Variants in OSBPL10 observed in about 807,000 individuals in gnomAD.
OSBPL10 encodes oxysterol binding protein like 10, also known as oxysterol-binding protein-related protein 10.
Under a neutral mutation model 81.7 loss-of-function variants are expected in OSBPL10, and 49 were observed. That is an observed-to-expected ratio of 0.60 (90% confidence interval 0.48 to 0.76). The LOEUF is 0.76. Ranked by LOEUF, OSBPL10 falls within the 30% of genes least tolerant of loss-of-function variation. The pLI, the probability that OSBPL10 is intolerant of heterozygous loss-of-function variation, is 0.00. For missense variants in OSBPL10, 923 were observed against 987.8 expected (o/e 0.93, Z 0.88); for synonymous variants, 419 against 383.6 (o/e 1.09, Z -1.08).
At chr3:31,863,312 A>G (rs1467848885) in intron 3 of OSBPL10, among the ~76,000 whole-genome samples, 1 of 152,028 alleles carries the variant, frequency 6.6e-6, no homozygotes, top group Non-Finnish European at 1.5e-5. Flanking sequence ...ACAGGGAAAC[A>G]GGGGATTTTT....
chr3:31,719,238 G>A (rs772089727), intron 6 of OSBPL10, among the ~76,000 whole-genome samples: 1 of 152,204 alleles, frequency 6.6e-6, no homozygotes, highest in East Asian at 1.9e-4. Flanking sequence ...AAATTTTACA[G>A]TGGGGACGTA....
chr3:31,965,867 C>CATATTATATAAAATAGATTAT (rs1698378882), intron 1 of OSBPL10, among the ~76,000 whole-genome samples: 1 of 59,124 alleles, frequency 1.7e-5, no homozygotes, highest in African/African-American at 8.8e-5. Flanking sequence ...ATATATAATA[C>CATATTATATAAAATAGATTAT]ATATTATATA....
intron 4 of OSBPL10, among the ~76,000 whole-genome samples, chr3:31,809,989 A>G (rs972154500): frequency 6.7e-6 from 1 of 149,402 alleles, no homozygotes; most frequent in East Asian, 2.0e-4. Flanking sequence ...CTCCTGCCTC[A>G]GTCTCCCGAG....
intron 5 of OSBPL10, among the ~76,000 whole-genome samples, chr3:31,742,984 T>C (rs1279628904): frequency 6.6e-6 from 1 of 150,530 alleles, no homozygotes; most frequent in South Asian, 2.1e-4. Flanking sequence ...CCACCAGTAA[T>C]GGTAAAAGAG....
intron 3 of OSBPL10, among the ~76,000 whole-genome samples, chr3:31,872,281 A>G (rs1275958027): frequency 6.6e-6 from 1 of 152,180 alleles, no homozygotes; most frequent in East Asian, 1.9e-4. Flanking sequence ...CCTAGCTGAC[A>G]TCTGTGAGGC....
chr3:31,926,292 C>CCCCCA (rs1553641107), intron 1 of OSBPL10, among the ~76,000 whole-genome samples: 3 of 144,360 alleles, frequency 2.1e-5, no homozygotes, highest in African/African-American at 8.1e-5. Flanking sequence ...TGATTTTGCC[C>CCCCCA]CCCCAGAGGA....
At chr3:31,995,073 C>A (rs1240570686) in intron 2 of OSBPL10, among the ~76,000 whole-genome samples, 1 of 152,184 alleles carries the variant, frequency 6.6e-6, no homozygotes, top group African/African-American at 2.4e-5. Flanking sequence ...GAGTAAAGAT[C>A]ATATGCATCT....
intron 4 of OSBPL10, among the ~76,000 whole-genome samples, chr3:31,823,869 T>TGTGA (rs1553630481): frequency 1.3e-5 from 2 of 149,128 alleles, no homozygotes; most frequent in Non-Finnish European, 3.0e-5. Context: ...TGTGTGTGTG[T>TGTGA]GAAATGGAGT....
intron 4 of OSBPL10, among the ~76,000 whole-genome samples, chr3:31,788,935 T>C (rs1436141968): frequency 1.3e-5 from 2 of 152,266 alleles, no homozygotes; most frequent in Middle Eastern, 6.8e-3. Context: ...AACATTTTAG[T>C]ATACTTCCTT....
At chr3:31,750,519 T>A (rs1697678274) in intron 4 of OSBPL10, among the ~76,000 whole-genome samples, 1 of 152,196 alleles carries the variant, frequency 6.6e-6, no homozygotes, top group Admixed American at 6.5e-5. Context: ...CATTATCAGT[T>A]TGCCAAGAAG....
At chr3:31,924,091 G>A (rs144077339) in intron 1 of OSBPL10, among the ~76,000 whole-genome samples, 2,016 of 151,682 alleles carry the variant, frequency 0.013, 58 homozygotes, top group African/African-American at 0.042. Flanking sequence ...AGTGGCAGGC[G>A]CCTGGAATCC....
chr3:31,731,215 A>G (rs1412139057), intron 6 of OSBPL10, among the ~76,000 whole-genome samples: 1 of 152,160 alleles, frequency 6.6e-6, no homozygotes, highest in African/African-American at 2.4e-5. Flanking sequence ...CGTAGCACTC[A>G]CTAGAAAAAA....
chr3:31,840,778 C>T (rs987592596), intron 3 of OSBPL10, among the ~76,000 whole-genome samples: 2 of 152,234 alleles, frequency 1.3e-5, no homozygotes, highest in Admixed American at 1.3e-4. Context: ...AACACATACA[C>T]AGGTGTCTTA....
At chr3:31,946,050 G>A (rs1697692846) in intron 1 of OSBPL10, among the ~76,000 whole-genome samples, 2 of 151,720 alleles carry the variant, frequency 1.3e-5, no homozygotes, top group South Asian at 4.2e-4. Flanking sequence ...GCATGATCTC[G>A]GCTTACTGCA....
At chr3:31,744,591 A>AAAGG (rs1697463166) in intron 5 of OSBPL10, among the ~76,000 whole-genome samples, 1 of 150,928 alleles carries the variant, frequency 6.6e-6, no homozygotes, top group African/African-American at 2.4e-5. Context: ...GGCAAGTGAC[A>AAAGG]GTCAAAGGTG....
chr3:31,720,058 T>TA, intron 6 of OSBPL10, among the ~76,000 whole-genome samples: 1 of 144,972 alleles, frequency 6.9e-6, no homozygotes, highest in African/African-American at 2.6e-5. Flanking sequence ...ATATATATAT[T>TA]ATATATATTT....
At chr3:31,710,600 T>C (rs1016866505) in intron 6 of OSBPL10, 1 of 152,214 alleles carries the variant, frequency 6.6e-6, no homozygotes, top group Non-Finnish European at 1.5e-5. Context: ...CACATGCAAA[T>C]GTGTGAACTA....
At chr3:31,865,681 A>C (rs1701163081) in intron 3 of OSBPL10, among the ~76,000 whole-genome samples, 1 of 152,166 alleles carries the variant, frequency 6.6e-6, no homozygotes, top group Admixed American at 6.5e-5. Flanking sequence ...ACAACATTTT[A>C]ATCATTCTGT....
rs959513488 is a variant in OSBPL10 at position 31,981,029 on chromosome 3, C to A, written c.151G>T (p.Gly51Cys). ...CCCGGGCTGCTGCGGCTTCCCCCGC[C>A]GCCGAGCCCGGCCGCCGCCGACCGG... is the stretch of plus-strand genomic sequence containing the variant. ...SSRSAAAGLG[G>C]GGSRSSPGSV... is the part of the protein sequence containing the mutation. The change falls in exon 1 of 12, where the codon GGC (glycine) becomes TGC (cysteine). Residue 51 changes from glycine (G) to cysteine (C), a missense_variant. Coordinates refer to ENST00000396556, the MANE Select transcript of OSBPL10 (RefSeq NM_017784.5). This position sits in a 1 kb window ranked among gnomAD's most constrained non-coding sequence, Gnocchi z 4.5. The A allele has an allele frequency of 1.4e-6, 2 of 1,470,826 alleles. No homozygotes were observed. The highest frequency in any genetic ancestry group is 1.5e-5 in the African/African-American group (1 of 67,576). 91.1% of individuals were successfully genotyped at this position (1,470,826 alleles called of 1,614,324 possible).
Sources: gnomAD v4.1 joint callset for allele counts (sites outside exome capture counted in the v4.1 genomes callset) on GRCh38, gnomAD v4.1.1 for gene constraint, Gnocchi (gnomAD v3.1) non-coding constraint, MANE v1.5 for transcripts, NCBI Gene and HGNC (gene_info 2026-07-23, HGNC 2026-07-21) for gene names.